Variants in SCHIP1 observed in about 807,000 individuals in gnomAD.
The protein encoded by SCHIP1 is schwannomin-interacting protein 1.
SCHIP1 carries 8 observed loss-of-function variants against 29.7 expected under a neutral mutation model. That is an observed-to-expected ratio of 0.27 (90% CI 0.16 to 0.49). The LOEUF is 0.49. Among genes scored for constraint, SCHIP1 ranks in the 20% least tolerant of loss-of-function variants. The pLI is 0.99. For missense variants in SCHIP1, 193 were observed against 294.6 expected (o/e 0.66, Z 2.52); for synonymous variants, 76 against 94.9 (o/e 0.80, Z 1.16).
chr3:159,846,859 G>A (rs1711912122), intron 1 of SCHIP1, among the ~76,000 whole-genome samples: 1 of 148,594 alleles, frequency 6.7e-6, no homozygotes, highest in African/African-American at 2.6e-5. Flanking sequence ...AAAAAATTTT[G>A]GAGATAAATT....
At chr3:159,519,782 G>A in the SCHIP1 span, among the ~76,000 whole-genome samples, 1 of 151,804 alleles carries the variant, frequency 6.6e-6, no homozygotes, top group Non-Finnish European at 1.5e-5. Flanking sequence ...ACTAGCTGTT[G>A]GGGGTTAGGA....
the SCHIP1 span, among the ~76,000 whole-genome samples, chr3:159,713,822 G>A: frequency 6.6e-6 from 1 of 151,894 alleles, no homozygotes; most frequent in East Asian, 1.9e-4. Context: ...TGGGAACAAA[G>A]GGAATTTCTT....
At chr3:159,702,124 C>A in the SCHIP1 span, among the ~76,000 whole-genome samples, 3 of 152,126 alleles carry the variant, frequency 2.0e-5, no homozygotes, top group Admixed American at 6.5e-5. Flanking sequence ...AATACATGAG[C>A]TTGAGAGAGT....
At chr3:159,440,097 T>C in the SCHIP1 span, among the ~76,000 whole-genome samples, 1 of 152,180 alleles carries the variant, frequency 6.6e-6, no homozygotes, top group Admixed American at 6.6e-5. Context: ...AAGGAAGGGA[T>C]CCAGTTTCAA....
At chr3:159,715,090 G>T in the SCHIP1 span, among the ~76,000 whole-genome samples, 4 of 152,202 alleles carry the variant, frequency 2.6e-5, no homozygotes, top group Non-Finnish European at 5.9e-5. Flanking sequence ...TTCTGCAATA[G>T]TTGTGGCTCT....
chr3:159,788,194 T>C, the SCHIP1 span, among the ~76,000 whole-genome samples: 1 of 152,286 alleles, frequency 6.6e-6, no homozygotes. Flanking sequence ...TGCTCCCATC[T>C]CTCAGGAAAG....
the SCHIP1 span, among the ~76,000 whole-genome samples, chr3:159,739,282 T>C: frequency 1.3e-5 from 2 of 152,212 alleles, no homozygotes; most frequent in African/African-American, 2.4e-5. Context: ...TGGGAAGCTA[T>C]TGGAGAGTTG....
the SCHIP1 span, among the ~76,000 whole-genome samples, chr3:159,820,683 C>T: frequency 6.6e-6 from 1 of 152,146 alleles, no homozygotes; most frequent in East Asian, 1.9e-4. Flanking sequence ...ATTTTTTAGG[C>T]ATGATACCTT....
chr3:159,325,962 A>G, the SCHIP1 span, among the ~76,000 whole-genome samples: 1 of 152,090 alleles, frequency 6.6e-6, no homozygotes, highest in African/African-American at 2.4e-5. Context: ...AATGTTTATG[A>G]CAGACAACAT....
chr3:159,446,399 A>AATAC, the SCHIP1 span, among the ~76,000 whole-genome samples: 2 of 152,002 alleles, frequency 1.3e-5, no homozygotes, highest in Non-Finnish European at 2.9e-5. Context: ...ATATTGTTGC[A>AATAC]ATACAGCAAT....
chr3:159,829,668 G>A, the SCHIP1 span, among the ~76,000 whole-genome samples: 1,362 of 152,288 alleles, frequency 8.9e-3, 14 homozygotes, highest in African/African-American at 0.031. Flanking sequence ...TTATAAATAT[G>A]TGTCATTGAC....
the SCHIP1 span, among the ~76,000 whole-genome samples, chr3:159,391,820 G>A: frequency 3.9e-5 from 6 of 152,188 alleles, no homozygotes; most frequent in African/African-American, 1.2e-4. Context: ...TACAGATGGA[G>A]CATCTGAGGC....
chr3:159,626,009 G>A, the SCHIP1 span, among the ~76,000 whole-genome samples: 6 of 151,540 alleles, frequency 4.0e-5, no homozygotes, highest in Middle Eastern at 6.8e-3. Context: ...CATGAACAGC[G>A]ATGGTAGTTG....
the SCHIP1 span, among the ~76,000 whole-genome samples, chr3:159,832,036 T>A: frequency 6.6e-6 from 1 of 152,202 alleles, no homozygotes; most frequent in African/African-American, 2.4e-5. Flanking sequence ...CTTGTTCATC[T>A]GTAGCAGAAT....
chr3:159,395,706 CT>C, the SCHIP1 span, among the ~76,000 whole-genome samples: 1 of 151,860 alleles, frequency 6.6e-6, no homozygotes. Context: ...AATTTCTGTT[CT>C]TTTACATTTG....
chr3:159,693,677 T>A, the SCHIP1 span, among the ~76,000 whole-genome samples: 1 of 152,168 alleles, frequency 6.6e-6, no homozygotes, highest in Non-Finnish European at 1.5e-5. Context: ...ATCAGTTCTA[T>A]AAAATCAGCA....
At chr3:159,692,738 G>A in the SCHIP1 span, among the ~76,000 whole-genome samples, 1 of 151,334 alleles carries the variant, frequency 6.6e-6, no homozygotes, top group Admixed American at 6.6e-5. Flanking sequence ...CAGGCTGATG[G>A]CAGAGGGAGA....
the SCHIP1 span, among the ~76,000 whole-genome samples, chr3:159,624,156 C>T: frequency 1.3e-5 from 2 of 152,088 alleles, no homozygotes; most frequent in Non-Finnish European, 2.9e-5. Flanking sequence ...AGCATTAGCA[C>T]AATTAGATAT....
chr3:159,711,526 C>A, the SCHIP1 span, among the ~76,000 whole-genome samples: 1 of 151,762 alleles, frequency 6.6e-6, no homozygotes, highest in Non-Finnish European at 1.5e-5. Context: ...AAAACAAACA[C>A]TAAAAAATAC....
Sources: allele counts gnomAD v4.1 joint callset (sites outside exome capture counted in the v4.1 genomes callset), GRCh38; gene constraint gnomAD v4.1.1; transcripts MANE v1.5; gene names NCBI Gene and HGNC (gene_info 2026-07-23, HGNC 2026-07-21).